The following DLGAP2 variants were observed in gnomAD, a reference collection of about 807,000 sequenced individuals.
DLGAP2 encodes the protein DLG associated protein 2, also known as disks large-associated protein 2.
A neutral mutation model predicts 100.3 loss-of-function variants in DLGAP2; 26 were observed. The ratio of observed to expected loss-of-function variants is 0.26; its 90% CI spans 0.19 to 0.36. The LOEUF (loss-of-function observed/expected upper bound fraction) is 0.36, where lower values mean the gene tolerates loss of function less well. Ranked by LOEUF, DLGAP2 falls within the 10% of genes least tolerant of loss-of-function variation. DLGAP2 has a pLI of 1.00. For missense variants in DLGAP2, 1,858 were observed against 1,453.2 expected (o/e 1.28, Z -4.53); for synonymous variants, 886 against 630.1 (o/e 1.41, Z -6.08).
intron 3 of DLGAP2, among the ~76,000 whole-genome samples, chr8:1,368,189 C>T (rs912897318): frequency 1.3e-5 from 2 of 151,568 alleles, no homozygotes; most frequent in East Asian, 3.9e-4. Flanking sequence ...TGTATGTGCA[C>T]GTGTGTGTAC....
intron 6 of DLGAP2, among the ~76,000 whole-genome samples, chr8:1,618,907 C>T (rs990081960): frequency 2.0e-5 from 3 of 152,132 alleles, no homozygotes; most frequent in African/African-American, 4.8e-5. Context: ...TTGTGGCAAA[C>T]TCAAAATATC....
intron 2 of DLGAP2, among the ~76,000 whole-genome samples, chr8:1,244,486 C>T (rs1038474208): frequency 1.3e-5 from 2 of 152,156 alleles, no homozygotes; most frequent in Non-Finnish European, 2.9e-5. Flanking sequence ...GCAATTAGTT[C>T]CCGATGGAGG....
intron 4 of DLGAP2, among the ~76,000 whole-genome samples, chr8:1,508,727 G>A (rs1325060191): frequency 1.3e-5 from 2 of 150,758 alleles, no homozygotes; most frequent in East Asian, 2.0e-4. Context: ...GGAGGGAAAT[G>A]AACCCAGTGC....
chr8:907,976 T>C lies in DLGAP2; in HGVS notation c.73+10T>C. 2.5e-6 allele frequency: 1 copy of C among 398,998 alleles called. No individual in the cohort carries two copies. Among genetic ancestry groups the C allele is most frequent in the East Asian group, 3.6e-5 (1 of 28,068 alleles). 24.7% of individuals were successfully genotyped at this position (398,998 alleles called of 1,614,324 possible). A position where few individuals can be genotyped will look rare whatever the true frequency, so the allele number is the denominator to read the frequency against. On this transcript the variant is annotated intron_variant, in intron 2 of 14. Coordinates refer to ENST00000637795, the MANE Select transcript of DLGAP2 (RefSeq NM_001346810.2). ...CCAGACAGGAATACAGGTAAATACA[T>C]TTCATTCTTCTGATTTGGGATTATA...
At chr8:1,594,667 G>A (rs781491840) in intron 6 of DLGAP2, among the ~76,000 whole-genome samples, 35 of 152,074 alleles carry the variant, frequency 2.3e-4, no homozygotes, top group Non-Finnish European at 4.7e-4. Context: ...CAAGTGATCT[G>A]CCCACCTCGG....
chr8:843,473 G>T (rs1457682390), intron 1 of DLGAP2, among the ~76,000 whole-genome samples: 1 of 152,174 alleles, frequency 6.6e-6, no homozygotes, highest in African/African-American at 2.4e-5. Context: ...GCCTGGCTTG[G>T]GCCACTGTGC....
At chr8:768,041 G>A (rs914611337) in intron 1 of DLGAP2, among the ~76,000 whole-genome samples, 2 of 152,226 alleles carry the variant, frequency 1.3e-5, no homozygotes, top group East Asian at 1.9e-4. Context: ...AGGAAGATGT[G>A]CATTCTCTTT....
At chr8:917,306 A>G (rs1798615675) in intron 2 of DLGAP2, among the ~76,000 whole-genome samples, 1 of 141,710 alleles carries the variant, frequency 7.1e-6, no homozygotes, top group Non-Finnish European at 1.5e-5. Flanking sequence ...TGGTGCAACC[A>G]CAGTTCACTA....
chr8:1,332,933 A>C (rs1001648794), intron 3 of DLGAP2, among the ~76,000 whole-genome samples: 6 of 152,074 alleles, frequency 3.9e-5, no homozygotes, highest in African/African-American at 1.4e-4. Flanking sequence ...TTCCTCAGAG[A>C]GCCCCCAGCA....
intron 3 of DLGAP2, among the ~76,000 whole-genome samples, chr8:1,282,301 C>A (rs1799834180): frequency 6.9e-6 from 1 of 145,670 alleles, no homozygotes; most frequent in African/African-American, 2.6e-5. Context: ...GAACCCAGCG[C>A]CCTGAACCAT....
chr8:830,186 G>T (rs1229867934), intron 1 of DLGAP2, among the ~76,000 whole-genome samples: 1 of 152,062 alleles, frequency 6.6e-6, no homozygotes, highest in Non-Finnish European at 1.5e-5. Flanking sequence ...GTACATAGTA[G>T]ATGTATATAT....
intron 2 of DLGAP2, chr8:926,969 G>C (rs1235025199): frequency 3.1e-6 from 3 of 962,952 alleles, no homozygotes; most frequent in Non-Finnish European, 3.7e-6. Flanking sequence ...GACAGCGTGG[G>C]GGGAAGCCAG....
chr8:1,223,223 A>G (rs1454816193), intron 2 of DLGAP2, among the ~76,000 whole-genome samples: 1 of 152,042 alleles, frequency 6.6e-6, no homozygotes, highest in Non-Finnish European at 1.5e-5. Flanking sequence ...CAGGGTTCCC[A>G]CCTTCCTCCC....
At chr8:875,807 G>C (rs537554238) in intron 1 of DLGAP2, among the ~76,000 whole-genome samples, 14 of 151,704 alleles carry the variant, frequency 9.2e-5, no homozygotes, top group Non-Finnish European at 4.4e-5. Context: ...CATTTATTTC[G>C]TGTTTGCTCT....
At chr8:1,251,057 C>A (rs1799028459) in intron 2 of DLGAP2, among the ~76,000 whole-genome samples, 1 of 152,198 alleles carries the variant, frequency 6.6e-6, no homozygotes, top group Admixed American at 6.5e-5. Flanking sequence ...GCAGTTTAAA[C>A]ATTGGTTTTC....
chr8:1,053,536 G>A lies in DLGAP2; in HGVS notation c.73+145570G>A, dbSNP rs577484001. Among the ~76,000 whole-genome samples the A allele has an allele frequency of 5.9e-5, 9 of 152,228 alleles. No homozygotes were observed. The South Asian group carries it at 1.9e-3, about 32-fold the overall frequency. On this transcript the variant is annotated intron_variant, in intron 2 of 14. Transcript: ENST00000637795. ...AACCTGGGAAGTGAAATGTGTGCAT[G>A]CAGCTGAAGAAGAGACAGACGCGTG...
chr8:918,110 G>C (rs1798633877), intron 2 of DLGAP2, among the ~76,000 whole-genome samples: 2 of 152,156 alleles, frequency 1.3e-5, no homozygotes, highest in Non-Finnish European at 2.9e-5. Flanking sequence ...ATTTACCTAA[G>C]TTTTGTGCCT....
At chr8:1,547,438 A>C (rs543895162) in intron 4 of DLGAP2, among the ~76,000 whole-genome samples, 2 of 150,582 alleles carry the variant, frequency 1.3e-5, no homozygotes, top group Non-Finnish European at 3.0e-5. Context: ...AGAGAGGAGG[A>C]GGCCATCGTG....
chr8:1,276,982 ATAT>A (rs1409409225), intron 3 of DLGAP2, among the ~76,000 whole-genome samples: 1 of 152,184 alleles, frequency 6.6e-6, no homozygotes, highest in Non-Finnish European at 1.5e-5. Context: ...TAGTGGTTGC[ATAT>A]TATTCCATTT....
Sources: allele counts gnomAD v4.1 joint callset (sites outside exome capture counted in the v4.1 genomes callset), GRCh38; gene constraint gnomAD v4.1.1; transcripts MANE v1.5; gene names NCBI Gene and HGNC (gene_info 2026-07-23, HGNC 2026-07-21).